Variants in PLA2G6 observed in about 807,000 individuals in gnomAD.
The protein encoded by PLA2G6 is 85/88 kDa calcium-independent phospholipase A2.
In PLA2G6, 62 loss-of-function variants were observed where a neutral mutation model predicts 83.8. The ratio of observed to expected loss-of-function variants is 0.74; its 90% CI spans 0.60 to 0.91. PLA2G6 has a LOEUF of 0.91. PLA2G6 is among the 40% of genes least tolerant of loss of function. The pLI is 0.00. For missense variants in PLA2G6, 944 were observed against 1,102.0 expected, an observed-to-expected ratio of 0.86 and a Z score of 2.03; for synonymous variants, 417 against 449.8, an observed-to-expected ratio of 0.93 and a Z score of 0.92.
chr22:38,134,788 G>T (rs1000400563), intron 6 of PLA2G6, 200 bp downstream of exon 6: 18 of 587,740 alleles, frequency 3.1e-5, no homozygotes, highest in Non-Finnish European at 4.3e-5. Flanking sequence ...GCACAGGGCG[G>T]ATCCCCCCGC....
At chr22:38,131,791 T>C (rs2088226313) in intron 7 of PLA2G6, 2 of 257,464 alleles carry the variant, frequency 7.8e-6, no homozygotes, top group Admixed American at 5.1e-5. Flanking sequence ...GGTATTGCTA[T>C]AGAAAACGTG....
chr22:38,153,223 GGAGT>G (rs1460872806), intron 2 of PLA2G6, among the ~76,000 whole-genome samples: 3 of 152,186 alleles, frequency 2.0e-5, no homozygotes, highest in African/African-American at 7.2e-5. Flanking sequence ...CCTGAAGTCA[GGAGT>G]TTGAGACCAG....
intron 12 of PLA2G6, 127 bp downstream of exon 12, chr22:38,120,632 T>A: frequency 8.7e-7 from 1 of 1,150,834 alleles, no homozygotes; most frequent in South Asian, 1.2e-5. Context: ...GGAAGGGGGT[T>A]CCCTCTGCTC....
intron 1 of PLA2G6, chr22:38,180,552 G>A (rs956619507): frequency 6.6e-6 from 1 of 152,204 alleles, no homozygotes. Flanking sequence ...TGACTCACAA[G>A]AGGTGATGAA....
At chr22:38,119,378 G>A (rs1301456812) in intron 12 of PLA2G6, among the ~76,000 whole-genome samples, 1 of 152,084 alleles carries the variant, frequency 6.6e-6, no homozygotes, top group East Asian at 1.9e-4. Flanking sequence ...CCAATCACGT[G>A]GAAAACATTA....
intron 2 of PLA2G6, among the ~76,000 whole-genome samples, chr22:38,152,753 AC>A (rs1209630986): frequency 6.6e-6 from 1 of 152,134 alleles, no homozygotes; most frequent in Non-Finnish European, 1.5e-5. Context: ...TATGAGAGAG[AC>A]TCTTGGAGAA....
chr22:38,154,965 C>T (rs919311370), intron 2 of PLA2G6, among the ~76,000 whole-genome samples: 1 of 152,160 alleles, frequency 6.6e-6, no homozygotes, highest in East Asian at 1.9e-4. Context: ...CAGTGGCTCA[C>T]GCCTGTAATC....
At position 38,134,972 on chromosome 22, in the gene PLA2G6, C is replaced by CAAAAGG; in HGVS notation, c.894+15_894+16insCCTTTT. 6.6e-7 allele frequency: 1 copy of CAAAAGG among 1,521,520 alleles called. No homozygotes were observed. Among genetic ancestry groups the CAAAAGG allele is most frequent in the Non-Finnish European group, 9.1e-7 (1 of 1,097,798 alleles). 94.3% of individuals were successfully genotyped at this position (1,521,520 alleles called of 1,614,324 possible). A position where few individuals can be genotyped will look rare whatever the true frequency, so the allele number is the denominator to read the frequency against. On this transcript the variant is annotated intron_variant, in intron 6 of 16. Coordinates refer to ENST00000332509, the MANE Select transcript of PLA2G6 (RefSeq NM_003560.4). ...CCGGCCCCCTGCCCCACCCACCCAC[C>CAAAAGG]TCAGGATCCACTCACCTCTGCGTTC...
At chr22:38,117,373 A>C (rs1030340678) in intron 12 of PLA2G6, among the ~76,000 whole-genome samples, 2 of 151,950 alleles carry the variant, frequency 1.3e-5, no homozygotes, top group African/African-American at 2.4e-5. Context: ...ACGCCCGGCT[A>C]ATTTTTTGTA....
intron 1 of PLA2G6, among the ~76,000 whole-genome samples, chr22:38,173,208 G>T (rs1215259683): frequency 6.6e-6 from 1 of 152,028 alleles, no homozygotes. Flanking sequence ...GGTGGATGAG[G>T]GCCCCCCGCA....
At chr22:38,162,588 C>T (rs756473234) in intron 2 of PLA2G6, among the ~76,000 whole-genome samples, 3 of 152,070 alleles carry the variant, frequency 2.0e-5, no homozygotes, top group Admixed American at 6.6e-5. Flanking sequence ...CTGTCACTGG[C>T]GATGATAAAG....
chr22:38,115,923 G>A (rs1447502414), intron 13 of PLA2G6, 152 bp downstream of exon 13: 21 of 1,450,932 alleles, frequency 1.4e-5, no homozygotes, highest in East Asian at 1.2e-4. Flanking sequence ...CAGCTCCCCC[G>A]CAATCCCTGT....
Position 38,128,524 on chromosome 22 carries a change from G to C in PLA2G6, c.1187-94C>G. 3 of 1,388,344 alleles carry C rather than the reference G, an allele frequency of 2.2e-6. No homozygotes were observed. The highest frequency in any genetic ancestry group is 3.0e-6 in the Non-Finnish European group (3 of 1,000,812). 86.0% of individuals were successfully genotyped at this position (1,388,344 alleles called of 1,614,324 possible). Reference sequence around the variant, plus strand: ...CCCTCCTTTCCACACTCCGTCCCCTGTCCCAGCTCCCAGGCCCTGGGCACG... The same window carrying C: ...CCCTCCTTTCCACACTCCGTCCCCTCTCCCAGCTCCCAGGCCCTGGGCACG... On this transcript the variant is annotated intron_variant, in intron 8 of 16. Coordinates refer to ENST00000332509, the MANE Select transcript of PLA2G6 (RefSeq NM_003560.4). This position sits in a 1 kb window ranked among gnomAD's most constrained non-coding sequence, Gnocchi z 4.4.
At chr22:38,178,635 C>T (rs1395343248) in intron 1 of PLA2G6, among the ~76,000 whole-genome samples, 1 of 152,066 alleles carries the variant, frequency 6.6e-6, no homozygotes, top group Non-Finnish European at 1.5e-5. Flanking sequence ...GAGGCCGAGG[C>T]GGGTGGATCA....
At chr22:38,155,258 T>C (rs767535275) in intron 2 of PLA2G6, among the ~76,000 whole-genome samples, 5 of 151,538 alleles carry the variant, frequency 3.3e-5, no homozygotes, top group Middle Eastern at 3.4e-3. Context: ...GCAGAAATTC[T>C]GGACTTGAAA....
In PLA2G6 at chr22:38,123,219, T is replaced by G. The variant is rs1379016574; in HGVS notation, c.1467A>C (p.Lys489Asn). 6.4e-7 allele frequency: 1 copy of G among 1,557,016 alleles called. No individual in the cohort carries two copies. The highest frequency in any genetic ancestry group is 8.7e-7 in the Non-Finnish European group (1 of 1,150,172). ...HLLCLDGGGV[K>N]GLIIIQLLIA... ...TGAGGAGCTGGATGATGATGAGGCC[T>G]TTCACTCCTCCTCCATCCAGGCACA... is the stretch of plus-strand genomic sequence containing the variant. The change falls in exon 11 of 17, where the codon AAA becomes AAC. Residue 489 changes from lysine (K) to asparagine (N), a missense_variant. Transcript: ENST00000332509. This position sits in a 1 kb window ranked among gnomAD's most constrained non-coding sequence, Gnocchi z 4.1.
chr22:38,155,873 GAC>G (rs1569288406), intron 2 of PLA2G6, among the ~76,000 whole-genome samples: 1 of 152,136 alleles, frequency 6.6e-6, no homozygotes. Flanking sequence ...CCAATCAAAA[GAC>G]ACAGAGTGGC....
At chr22:38,140,348 C>A (rs1034585978) in intron 4 of PLA2G6, 179 bp from the exon 5 acceptor site, 2 of 600,390 alleles carry the variant, frequency 3.3e-6, no homozygotes, top group African/African-American at 1.8e-5. Context: ...TCTCTTCTAA[C>A]GATACAAAAA....
At chr22:38,180,862 AAC>A (rs1327100664) in intron 1 of PLA2G6, among the ~76,000 whole-genome samples, 3 of 152,066 alleles carry the variant, frequency 2.0e-5, no homozygotes, top group Non-Finnish European at 4.4e-5. Context: ...CAGAAACTCT[AAC>A]AAAAACAATG....
Sources: allele counts gnomAD v4.1 joint callset (sites outside exome capture counted in the v4.1 genomes callset), GRCh38; gene constraint gnomAD v4.1.1; non-coding constraint Gnocchi (gnomAD v3.1); transcripts MANE v1.5; gene names NCBI Gene and HGNC (gene_info 2026-07-23, HGNC 2026-07-21).